Variants in RFX7 observed in about 807,000 individuals in gnomAD.
The protein encoded by RFX7 is regulatory factor X7, also known as DNA-binding protein RFX7.
In RFX7, 26 loss-of-function variants were observed where a neutral mutation model predicts 111.8. The ratio of observed to expected loss-of-function variants is 0.23; its 90% CI spans 0.17 to 0.32. RFX7 has a LOEUF of 0.32. Among genes scored for constraint, RFX7 ranks in the 10% least tolerant of loss-of-function variants. The pLI is 1.00. For missense variants in RFX7, 1,573 were observed against 1,772.9 expected (o/e 0.89, Z 2.02); for synonymous variants, 624 against 624.4 (o/e 1.00, Z 0.01).
chr15:56,210,556 G>A (rs569627151), intron 2 of RFX7, among the ~76,000 whole-genome samples: 2 of 151,776 alleles, frequency 1.3e-5, no homozygotes, highest in South Asian at 4.2e-4. Context: ...TCATATTCTG[G>A]GCATTAAAAC....
rs372302469 is a variant in RFX7, at chr15:56,093,499, C to T, written c.4229G>A (p.Arg1410His). 79 of 1,613,766 alleles carry T rather than the reference C, an allele frequency of 4.9e-5. No homozygotes were observed. Among genetic ancestry groups the T allele is most frequent in the Non-Finnish European group, 6.0e-5 (71 of 1,179,848 alleles). ...AGCTTCATCATCTTGTCCCTGCTGA[C>T]GACCTGGATCAAACAGTAGATTTGG... ...LDPNLLFDPGRQQGQDDEATL... is the reference protein window; with the variant it reads ...LDPNLLFDPGHQQGQDDEATL... Residue 1410 changes from arginine to histidine, a missense_variant, in exon 10 of 10, where the codon CGT becomes CAT. Transcript: ENST00000559447.
At chr15:56,107,226 G>A (rs760002411) in intron 5 of RFX7, among the ~76,000 whole-genome samples, 11 of 149,178 alleles carry the variant, frequency 7.4e-5, no homozygotes, top group Non-Finnish European at 1.2e-4. Context: ...GAACCCAGGA[G>A]GCGGAGCTTG....
intron 5 of RFX7, 102 bp from the exon 6 acceptor site, chr15:56,103,772 G>T: frequency 2.8e-6 from 2 of 702,022 alleles, no homozygotes. Context: ...GTGAAGCAAA[G>T]GATCTTTCAA....
intron 5 of RFX7, among the ~76,000 whole-genome samples, chr15:56,141,542 A>C (rs2042393015): frequency 6.6e-6 from 1 of 151,370 alleles, no homozygotes. Flanking sequence ...AACATATCAT[A>C]CAAGTTTACC....
At chr15:56,209,871 A>G (rs1436067464) in intron 2 of RFX7, among the ~76,000 whole-genome samples, 2 of 151,232 alleles carry the variant, frequency 1.3e-5, no homozygotes, top group South Asian at 2.1e-4. Flanking sequence ...AAAATGCTCA[A>G]TCAAAACCAC....
chr15:56,156,493 A>T (rs1045281110), intron 3 of RFX7, among the ~76,000 whole-genome samples: 3 of 152,110 alleles, frequency 2.0e-5, no homozygotes, highest in Admixed American at 6.5e-5. Flanking sequence ...ACAATATGTT[A>T]TAACAAAGTT....
chr15:56,175,398 CT>C lies in RFX7; in HGVS notation c.195+3871del, dbSNP rs1183580980. Reference sequence around the variant, plus strand: ...AATCCCAATAAAAATCCAAGTAGAACTTTTTTTAAAAATAAAAATTGACAAA... The same window carrying C: ...AATCCCAATAAAAATCCAAGTAGAACTTTTTTAAAAATAAAAATTGACAAA... On this transcript the variant is annotated intron_variant, in intron 3 of 9. Transcript: ENST00000559447. Among the ~76,000 whole-genome samples, 57 of 152,120 alleles carry C rather than the reference CT, an allele frequency of 3.7e-4. 1 individual carries two copies. The highest frequency in any genetic ancestry group is 1.3e-3 in the African/African-American group (56 of 41,536).
intron 3 of RFX7, among the ~76,000 whole-genome samples, chr15:56,154,227 G>A (rs111600660): frequency 1.3e-5 from 2 of 152,112 alleles, no homozygotes; most frequent in Non-Finnish European, 2.9e-5. Context: ...TATAGATTCA[G>A]TGCTATCCCC....
intron 5 of RFX7, among the ~76,000 whole-genome samples, chr15:56,136,895 C>T (rs1404680583): frequency 1.9e-4 from 28 of 144,824 alleles, no homozygotes; most frequent in African/African-American, 4.3e-4. Flanking sequence ...TTGTCTTTGG[C>T]TCTGTTTATA....
chr15:56,172,727 G>A (rs1187023627), intron 3 of RFX7, among the ~76,000 whole-genome samples: 3 of 152,160 alleles, frequency 2.0e-5, no homozygotes, highest in African/African-American at 2.4e-5. Context: ...AAGAAGAGGC[G>A]AGTTTAGTAG....
chr15:56,127,140 T>A (rs1416268105), intron 5 of RFX7, among the ~76,000 whole-genome samples: 2 of 152,040 alleles, frequency 1.3e-5, no homozygotes, highest in East Asian at 3.9e-4. Context: ...ACACAATGTA[T>A]TTTCCCTGGT....
At chr15:56,220,865 G>A (rs1223923335) in intron 2 of RFX7, among the ~76,000 whole-genome samples, 1 of 152,156 alleles carries the variant, frequency 6.6e-6, no homozygotes, top group Non-Finnish European at 1.5e-5. Context: ...TATGATATAA[G>A]GAAATGGGTC....
At chr15:56,212,070 GATTT>G (rs2043318069) in intron 2 of RFX7, among the ~76,000 whole-genome samples, 1 of 152,106 alleles carries the variant, frequency 6.6e-6, no homozygotes, top group African/African-American at 2.4e-5. Flanking sequence ...GTTTTTAGTA[GATTT>G]ATTTGCAACA....
At chr15:56,152,712 C>G (rs764750745) in intron 3 of RFX7, among the ~76,000 whole-genome samples, 8 of 149,612 alleles carry the variant, frequency 5.3e-5, no homozygotes, top group Non-Finnish European at 1.2e-4. Flanking sequence ...CAGAGCAGAA[C>G]TGAAGGAGAT....
chr15:56,204,664 A>G (rs2043233069), intron 2 of RFX7, among the ~76,000 whole-genome samples: 1 of 152,226 alleles, frequency 6.6e-6, no homozygotes, highest in Non-Finnish European at 1.5e-5. Flanking sequence ...GTAATGATCT[A>G]TGGAGCTATA....
At chr15:56,212,442 T>C (rs1404696284) in intron 2 of RFX7, among the ~76,000 whole-genome samples, 1 of 152,154 alleles carries the variant, frequency 6.6e-6, no homozygotes, top group African/African-American at 2.4e-5. Context: ...CATGTCATTA[T>C]ATATCTGACC....
intron 5 of RFX7, among the ~76,000 whole-genome samples, chr15:56,107,810 C>T (rs369073786): frequency 3.9e-4 from 59 of 152,172 alleles, no homozygotes; most frequent in African/African-American, 1.3e-3. Flanking sequence ...GGCGATATCG[C>T]CACTGATCCC....
At chr15:56,160,431 C>A (rs1477277203) in intron 3 of RFX7, among the ~76,000 whole-genome samples, 2 of 151,096 alleles carry the variant, frequency 1.3e-5, no homozygotes, top group African/African-American at 4.9e-5. Context: ...TCAAGTTTAA[C>A]TGTTTCTTCA....
intron 5 of RFX7, among the ~76,000 whole-genome samples, chr15:56,129,354 G>A (rs1326155552): frequency 6.8e-6 from 1 of 147,884 alleles, no homozygotes; most frequent in Non-Finnish European, 1.5e-5. Context: ...CAGCCTAGGT[G>A]ACAAGAGTGA....
Sources: gnomAD v4.1 joint callset for allele counts (sites outside exome capture counted in the v4.1 genomes callset) on GRCh38, gnomAD v4.1.1 for gene constraint, MANE v1.5 for transcripts, NCBI Gene and HGNC (gene_info 2026-07-23, HGNC 2026-07-21) for gene names.